The following DDX10 variants were observed in gnomAD, a reference collection of about 807,000 sequenced individuals.
DDX10 encodes the protein probable ATP-dependent RNA helicase DDX10.
In DDX10, 74 loss-of-function variants were observed where a neutral mutation model predicts 104.3. That is an observed-to-expected ratio of 0.71 (90% confidence interval 0.59 to 0.86). The LOEUF is 0.86. Ranked by LOEUF, DDX10 falls within the 40% of genes least tolerant of loss-of-function variation. DDX10 has a pLI of 0.00. For missense variants in DDX10, 952 were observed against 1,040.0 expected (o/e 0.92, Z 1.16); for synonymous variants, 351 against 353.4 (o/e 0.99, Z 0.08).
At chr11:108,802,220 TTTA>T (rs1862032387) in intron 13 of DDX10, among the ~76,000 whole-genome samples, 2 of 152,260 alleles carry the variant, frequency 1.3e-5, no homozygotes, top group Middle Eastern at 3.4e-3. Flanking sequence ...TTGCATTATA[TTTA>T]CCAGTTCAGC....
intron 16 of DDX10, among the ~76,000 whole-genome samples, chr11:108,900,378 A>G (rs917166158): frequency 6.6e-6 from 1 of 152,194 alleles, no homozygotes; most frequent in African/African-American, 2.4e-5. Context: ...AGATATTTTG[A>G]CTACTGAGAA....
At chr11:108,899,895 C>T (rs1591116817) in intron 16 of DDX10, among the ~76,000 whole-genome samples, 1 of 152,278 alleles carries the variant, frequency 6.6e-6, no homozygotes, top group Non-Finnish European at 1.5e-5. Context: ...GGGTTGATCA[C>T]CTAAGGTCAG....
At chr11:108,913,646 T>G (rs1305589526) in intron 16 of DDX10, among the ~76,000 whole-genome samples, 1 of 152,180 alleles carries the variant, frequency 6.6e-6, no homozygotes, top group African/African-American at 2.4e-5. Flanking sequence ...GCTTAGTGAC[T>G]TTGCCGTCCC....
chr11:108,760,492 G>T (rs759988744), intron 13 of DDX10, among the ~76,000 whole-genome samples: 30 of 151,932 alleles, frequency 2.0e-4, no homozygotes, highest in Non-Finnish European at 3.7e-4. Flanking sequence ...GTTTATATGG[G>T]AACATTCTCA....
At position 108,678,550 on chromosome 11, in the gene DDX10, A is replaced by G. The variant is rs2094229541; in HGVS notation, c.658+115A>G. The G allele has an allele frequency of 5.2e-6, 6 of 1,155,598 alleles. No homozygotes were observed. The South Asian group carries it at 1.1e-4, about 22-fold the overall frequency. The allele number at this position is 1,155,598 out of a possible 1,614,324, so 71.6% of individuals were successfully genotyped here. ...TAGATAAATGTTATGATTCAAAACAAACTTAAAAATTACTGAAACATTTTG... is the reference window on the plus strand; with the variant it reads ...TAGATAAATGTTATGATTCAAAACAGACTTAAAAATTACTGAAACATTTTG... On this transcript the variant is annotated intron_variant, in intron 5 of 17. Transcript: ENST00000322536.
At chr11:108,888,741 T>C (rs1863335331) in intron 16 of DDX10, among the ~76,000 whole-genome samples, 1 of 151,924 alleles carries the variant, frequency 6.6e-6, no homozygotes, top group Non-Finnish European at 1.5e-5. Flanking sequence ...ACGTGGGATA[T>C]ACATATTGAT....
chr11:108,813,912 T>C lies in DDX10; in HGVS notation c.1966-24534T>C, dbSNP rs557260063. Among the ~76,000 whole-genome samples, 34 of 152,328 alleles carry C rather than the reference T, an allele frequency of 2.2e-4. No homozygotes were observed. In the South Asian group the frequency reaches 4.8e-3, roughly 21 times the overall value. ...GGTCTTTCTGTTTCATTGATCTGTA[T>C]ATGTTTGTTTATAATGTTTAAATAT... On this transcript the variant is annotated intron_variant, in intron 13 of 17. Transcript: ENST00000322536.
intron 9 of DDX10, among the ~76,000 whole-genome samples, chr11:108,706,271 C>T (rs1028038709): frequency 3.9e-5 from 6 of 152,110 alleles, no homozygotes; most frequent in Non-Finnish European, 5.9e-5. Context: ...CGCACCCGGC[C>T]GAACAGATCT....
intron 12 of DDX10, among the ~76,000 whole-genome samples, chr11:108,721,035 A>G (rs981846070): frequency 6.6e-5 from 10 of 152,276 alleles, no homozygotes; most frequent in Non-Finnish European, 1.3e-4. Context: ...GAATATCAGC[A>G]TGAAATTTCC....
At position 108,675,741 on chromosome 11, in the gene DDX10, A is replaced by G. The variant is rs11212754; in HGVS notation, c.378+15A>G. The G allele has an allele frequency of 0.14, 221,669 of 1,613,302 alleles. 17,278 individuals are homozygous for G. The highest frequency in any genetic ancestry group is 0.25 in the East Asian group (11,172 of 44,848). ...TTCTTGTTCCAGTAAGTACATTGTC[A>G]TTGGGTCAGACTGTCTGTTATACAA... is the stretch of plus-strand genomic sequence containing the variant. On this transcript the variant is annotated intron_variant, in intron 3 of 17. Coordinates refer to ENST00000322536, the MANE Select transcript of DDX10 (RefSeq NM_004398.4).
chr11:108,691,374 A>G (rs1030809326), intron 7 of DDX10, among the ~76,000 whole-genome samples: 2 of 152,252 alleles, frequency 1.3e-5, no homozygotes, highest in African/African-American at 2.4e-5. Flanking sequence ...CATAGTATCC[A>G]TTTATGGGTA....
In DDX10 at chr11:108,785,519, T is replaced by C. The variant is rs182470207; in HGVS notation, c.1966-52927T>C. 2.3e-3 allele frequency among the ~76,000 whole-genome samples: 350 copies of C among 152,342 alleles called. 1 individual carries two copies. Among genetic ancestry groups the C allele is most frequent in the Non-Finnish European group, 4.1e-3 (279 of 68,040 alleles). ...TTTCTTGGAATAGATTCAGTAGTAC[T>C]GATATCACTTCCTTTTTGTACATCT... On this transcript the variant is annotated intron_variant, in intron 13 of 17. Coordinates refer to ENST00000322536, the MANE Select transcript of DDX10 (RefSeq NM_004398.4).
chr11:108,904,512 AT>A (rs544704720), intron 16 of DDX10, among the ~76,000 whole-genome samples: 114 of 152,226 alleles, frequency 7.5e-4, no homozygotes, highest in Non-Finnish European at 1.5e-3. Context: ...ATTGCTGTTT[AT>A]TTTTCACCAA....
chr11:108,835,882 CTCCATG>C (rs976363848), intron 13 of DDX10, among the ~76,000 whole-genome samples: 2 of 152,068 alleles, frequency 1.3e-5, no homozygotes, highest in African/African-American at 4.8e-5. Context: ...TCGTTTGTTA[CTCCATG>C]TTGGGAGATG....
At chr11:108,694,971 A>G (rs1210871933) in intron 9 of DDX10, among the ~76,000 whole-genome samples, 3 of 152,292 alleles carry the variant, frequency 2.0e-5, no homozygotes, top group South Asian at 2.1e-4. Flanking sequence ...GAATGAATCA[A>G]AAAGGATTAC....
At chr11:108,848,906 C>A (rs1397260565) in intron 15 of DDX10, among the ~76,000 whole-genome samples, 1 of 152,060 alleles carries the variant, frequency 6.6e-6, no homozygotes, top group Non-Finnish European at 1.5e-5. Flanking sequence ...ATCTCTTTTG[C>A]CCATTATATG....
chr11:108,823,513 T>C lies in DDX10; in HGVS notation c.1966-14933T>C, dbSNP rs528187327. ...AACATCTCTTAAATGTCTTAAAATATTGTGTCAAAAATGGTACAAAAAATG... is the reference window on the plus strand; with the variant it reads ...AACATCTCTTAAATGTCTTAAAATACTGTGTCAAAAATGGTACAAAAAATG... On this transcript the variant is annotated intron_variant, in intron 13 of 17. Transcript: ENST00000322536. Among the ~76,000 whole-genome samples the C allele has an allele frequency of 1.2e-4, 18 of 152,302 alleles. No individual in the cohort carries two copies. In the South Asian group the frequency reaches 3.7e-3, roughly 32 times the overall value.
At chr11:108,767,706 T>C (rs2094357918) in intron 13 of DDX10, among the ~76,000 whole-genome samples, 1 of 152,232 alleles carries the variant, frequency 6.6e-6, no homozygotes, top group Non-Finnish European at 1.5e-5. Context: ...TTTAGTACAT[T>C]AAGAGTTGTT....
At chr11:108,762,241 A>T (rs901918867) in intron 13 of DDX10, among the ~76,000 whole-genome samples, 1 of 152,204 alleles carries the variant, frequency 6.6e-6, no homozygotes, top group Non-Finnish European at 1.5e-5. Flanking sequence ...GTGAGGCAGA[A>T]ATAGATAAGC....
Sources: gnomAD v4.1 joint callset for allele counts (sites outside exome capture counted in the v4.1 genomes callset) on GRCh38, gnomAD v4.1.1 for gene constraint, MANE v1.5 for transcripts, NCBI Gene and HGNC (gene_info 2026-07-23, HGNC 2026-07-21) for gene names.